CLCNKA: variants seen among roughly 807,000 people sequenced by gnomAD.
CLCNKA encodes chloride voltage-gated channel Ka, also known as chloride channel protein ClC-Ka.
A neutral mutation model predicts 83.3 loss-of-function variants in CLCNKA; 66 were observed. The ratio of observed to expected loss-of-function variants is 0.79; its 90% CI spans 0.65 to 0.97. The LOEUF (loss-of-function observed/expected upper bound fraction) is 0.97. CLCNKA is among the 50% of genes least tolerant of loss of function. The pLI, the probability that CLCNKA is intolerant of heterozygous loss-of-function variation, is 0.00. For missense variants in CLCNKA, 806 were observed against 888.7 expected (o/e 0.91, Z 1.18); for synonymous variants, 357 against 370.4 (o/e 0.96, Z 0.42).
chr1:16,032,112 A>G, intron 16 of CLCNKA, 91 bp from the exon 17 acceptor site: 1 of 1,317,172 alleles, frequency 7.6e-7, no homozygotes. Context: ...GGGTAGGAGC[A>G]TGGGGACACC....
intron 7 of CLCNKA, among the ~76,000 whole-genome samples, 175 bp from the exon 8 acceptor site, chr1:16,027,135 C>T (rs2022392430): frequency 6.6e-6 from 1 of 152,206 alleles, no homozygotes; most frequent in African/African-American, 2.4e-5. Context: ...GATCCCTGGG[C>T]AGCGGGGTCC....
intron 7 of CLCNKA, 31 bp from the exon 8 acceptor site, chr1:16,027,279 G>GA (rs774090272): frequency 1.7e-5 from 28 of 1,611,914 alleles, no homozygotes; most frequent in Middle Eastern, 2.0e-4. Context: ...GGTGGGGGTG[G>GA]GGGCCCACCT....
intron 4 of CLCNKA, among the ~76,000 whole-genome samples, 185 bp downstream of exon 4, chr1:16,025,076 C>A (rs1409090237): frequency 6.6e-6 from 1 of 152,252 alleles, no homozygotes; most frequent in Admixed American, 6.5e-5. Flanking sequence ...TGGCCCTACT[C>A]GCTTTCCAAG....
At position 16,033,243 on chromosome 1, in the gene CLCNKA, T is replaced by TGGAGGTACCAG; in HGVS notation, c.2004_2005insGAGGTACCAGG (p.Ser669GlufsTer9). On this transcript the variant is annotated frameshift_variant, in exon 19 of 20. Coordinates refer to ENST00000331433, the MANE Select transcript of CLCNKA (RefSeq NM_004070.4). LOFTEE classifies it high-confidence loss of function. Reference sequence around the variant, plus strand: ...TCGCGGGGCAGAGCTGTGGGCTGCGTGTCCTGGGTGGAGGTACCAGGGTCC... The same window carrying TGGAGGTACCAG: ...TCGCGGGGCAGAGCTGTGGGCTGCGTGGAGGTACCAGGTCCTGGGTGGAGGTACCAGGGTCC... 1.2e-6 allele frequency: 2 copies of TGGAGGTACCAG among 1,613,898 alleles called. No individual in the cohort carries two copies. The highest frequency in any genetic ancestry group is 1.6e-4 in the Middle Eastern group (1 of 6,062).
Position 16,032,458 on chromosome 1 carries a change from A to G in CLCNKA, c.1861A>G (p.Ile621Val), listed in dbSNP as rs758603674. The G allele has an allele frequency of 8.7e-6, 14 of 1,612,934 alleles. No individual in the cohort carries two copies. Among genetic ancestry groups the G allele is most frequent in the Admixed American group, 3.3e-5 (2 of 60,002 alleles). ...APGHQQCLQD[I>V]LARGCPTEPV... The stretch of plus-strand genomic sequence containing the variant: ...CCACTCCCAGCAGTGTCTCCAGGAC[A>G]TCTTGGCCAGGGGCTGCCCCACGGA... The change falls in exon 18 of 20, where the codon ATC becomes GTC. Residue 621 changes from isoleucine to valine, a missense_variant. Coordinates refer to ENST00000331433, the MANE Select transcript of CLCNKA (RefSeq NM_004070.4).
Position 16,022,707 on chromosome 1 carries a change from C to G in CLCNKA, c.88C>G (p.Arg30Gly). 1.9e-6 allele frequency: 3 copies of G among 1,539,546 alleles called. No homozygotes were observed. The highest frequency in any genetic ancestry group is 2.6e-6 in the Non-Finnish European group (3 of 1,140,976). ...ELWGPCPHIR[R>G]AIQGGLEWLK... ...GTGGGGCCCCTGTCCCCACATCCGCCGAGCCATCCAAGGTGAGAGCCAGGT... is the reference window on the plus strand; with the variant it reads ...GTGGGGCCCCTGTCCCCACATCCGCGGAGCCATCCAAGGTGAGAGCCAGGT... Residue 30 changes from arginine to glycine, a missense_variant, in exon 2 of 20, where the codon CGA (arginine) becomes GGA (glycine). Coordinates refer to ENST00000331433, the MANE Select transcript of CLCNKA (RefSeq NM_004070.4).
chr1:16,027,670 G>A, intron 8 of CLCNKA, 151 bp from the exon 9 acceptor site: 1 of 1,552,866 alleles, frequency 6.4e-7, no homozygotes, highest in Non-Finnish European at 8.8e-7. Context: ...TGGGCAGGGA[G>A]GCAAGAGCCT....
intron 3 of CLCNKA, among the ~76,000 whole-genome samples, chr1:16,024,345 T>C (rs1001276761): frequency 6.6e-6 from 1 of 152,218 alleles, no homozygotes; most frequent in Non-Finnish European, 1.5e-5. Flanking sequence ...AGGAAGGGTC[T>C]AAGACACTTT....
chr1:16,033,135 T>C, intron 18 of CLCNKA, 35 bp from the exon 19 acceptor site: 1 of 1,605,736 alleles, frequency 6.2e-7, no homozygotes, highest in Non-Finnish European at 8.5e-7. Flanking sequence ...GGGCGCCATC[T>C]ACCCTCCAGT....
At chr1:16,023,095 A>G (rs1180311493) in intron 2 of CLCNKA, among the ~76,000 whole-genome samples, 3 of 152,186 alleles carry the variant, frequency 2.0e-5, no homozygotes, top group Admixed American at 6.5e-5. Flanking sequence ...TTGGAGCCCC[A>G]TGTGCCTTGT....
intron 7 of CLCNKA, chr1:16,027,030 G>T (rs2022388167): frequency 3.1e-6 from 2 of 645,316 alleles, no homozygotes; most frequent in Admixed American, 2.9e-5. Flanking sequence ...TGGCCCCTTG[G>T]CCTCTCTGAG....
Position 16,024,825 on chromosome 1 carries a change from G to C in CLCNKA, c.292G>C (p.Val98Leu). The C allele has an allele frequency of 1.9e-6, 3 of 1,614,140 alleles. No individual in the cohort carries two copies. The highest frequency in any genetic ancestry group is 1.7e-5 in the Admixed American group (1 of 60,006). The change falls in exon 4 of 20, where the codon GTG (valine) becomes CTG (leucine). Residue 98 changes from valine (V) to leucine (L), a missense_variant. Transcript: ENST00000331433. ...CCTGCTCCGGTATCTTTCCTGGACT[G>C]TGTACCCTGTGGCCCTCGTCTCTTT... is the stretch of plus-strand genomic sequence containing the variant. ...SHLLRYLSWTVYPVALVSFSS... is the reference protein window; with the variant it reads ...SHLLRYLSWTLYPVALVSFSS...
At chr1:16,033,097 C>T (rs2022700169) in intron 18 of CLCNKA, 73 bp from the exon 19 acceptor site, 3 of 1,475,328 alleles carry the variant, frequency 2.0e-6, no homozygotes, top group African/African-American at 1.4e-5. Flanking sequence ...GGCTCAGAGG[C>T]GTGGCAGAGT....
rs533638048 is a variant in CLCNKA, at chr1:16,027,484, G to A, written c.781+49G>A. 4.7e-5 allele frequency: 75 copies of A among 1,608,494 alleles called. No homozygotes were observed. The South Asian group carries it at 7.4e-4, about 16-fold the overall frequency. On this transcript the variant is annotated intron_variant, in intron 8 of 19. Coordinates refer to ENST00000331433, the MANE Select transcript of CLCNKA (RefSeq NM_004070.4). Reference sequence around the variant, plus strand: ...CCTGGCCCTGCCTGGGGGCCGGGGCGAGGGAGACCTCCCTTCTCCTCTGTG... The same window carrying A: ...CCTGGCCCTGCCTGGGGGCCGGGGCAAGGGAGACCTCCCTTCTCCTCTGTG...
chr1:16,028,633 A>C (rs1471164386), intron 10 of CLCNKA, 128 bp from the exon 11 acceptor site: 2 of 1,185,688 alleles, frequency 1.7e-6, no homozygotes, highest in Non-Finnish European at 2.5e-6. Flanking sequence ...CTTCCTCCTC[A>C]CCAGTCCTTG....
At chr1:16,031,992 C>T in intron 16 of CLCNKA, 149 bp downstream of exon 16, 2 of 1,412,486 alleles carry the variant, frequency 1.4e-6, no homozygotes, top group South Asian at 1.3e-5. Flanking sequence ...ACCTGAGCCT[C>T]AGTTTCCTCA....
chr1:16,023,502 A>G (rs1366303986), intron 2 of CLCNKA, among the ~76,000 whole-genome samples: 2 of 152,198 alleles, frequency 1.3e-5, no homozygotes, highest in African/African-American at 4.8e-5. Flanking sequence ...GTCACCTGCC[A>G]CAAATCCTGC....
In CLCNKA at chr1:16,033,217, A is replaced by C; in HGVS notation, c.1977A>C (p.Thr659=). 6.2e-7 allele frequency: 1 copy of C among 1,614,128 alleles called. No individual in the cohort carries two copies. Among genetic ancestry groups the C allele is most frequent in the Non-Finnish European group, 8.5e-7 (1 of 1,180,008 alleles). Residue 659 remains threonine (T), a synonymous_variant, in exon 19 of 20, where the codon ACA becomes ACC. Transcript: ENST00000331433. ...TGAACCTTCAGTCCCTCTTCGTGAC[A>C]TCGCGGGGCAGAGCTGTGGGCTGCG... The part of the protein sequence containing the change: ...KLLNLQSLFV[T]SRGRAVGCVS...
rs766594254 is a variant in CLCNKA, at chr1:16,026,464, T to G, written c.499-72T>G. 4,683 of 1,594,648 alleles carry G rather than the reference T, an allele frequency of 2.9e-3. 15 individuals are homozygous for G. Among genetic ancestry groups the G allele is most frequent in the Non-Finnish European group, 3.7e-3 (4,327 of 1,164,852 alleles). On this transcript the variant is annotated intron_variant, in intron 5 of 19. Coordinates refer to ENST00000331433, the MANE Select transcript of CLCNKA (RefSeq NM_004070.4). The stretch of plus-strand genomic sequence containing the variant: ...TGGGGAGATGGAGGAGGGGGTGTGG[T>G]GGGGAAGCCGTGCTGCCTCGGGGTG...
Sources: allele counts gnomAD v4.1 joint callset (sites outside exome capture counted in the v4.1 genomes callset), GRCh38; gene constraint gnomAD v4.1.1; transcripts MANE v1.5; gene names NCBI Gene and HGNC (gene_info 2026-07-23, HGNC 2026-07-21).